Variants in RNGTT observed in about 807,000 individuals in gnomAD.
The protein encoded by RNGTT is RNA guanylyltransferase and 5'-phosphatase.
RNGTT carries 33 observed loss-of-function variants against 79.3 expected under a neutral mutation model. The observed-to-expected ratio is 0.42, with a 90% CI of 0.32 to 0.56. RNGTT has a LOEUF of 0.56. Among genes scored for constraint, RNGTT ranks in the 20% least tolerant of loss-of-function variants. RNGTT has a pLI of 0.17. For synonymous variants in RNGTT, 222 were observed against 235.9 expected (o/e 0.94, Z 0.54); for missense variants, 497 against 739.1 (o/e 0.67, Z 3.80).
At chr6:88,732,056 G>T (rs1031788468) in intron 13 of RNGTT, among the ~76,000 whole-genome samples, 7 of 152,226 alleles carry the variant, frequency 4.6e-5, no homozygotes, top group African/African-American at 1.7e-4. Context: ...GGAGATGGAA[G>T]AAGAGGAGGG....
At chr6:88,670,944 T>A (rs927413698) in intron 14 of RNGTT, among the ~76,000 whole-genome samples, 2 of 152,154 alleles carry the variant, frequency 1.3e-5, no homozygotes, top group Non-Finnish European at 2.9e-5. Context: ...TGACTGTTCC[T>A]GCTACACCTT....
intron 4 of RNGTT, among the ~76,000 whole-genome samples, chr6:88,915,933 A>AAC (rs1354697215): frequency 6.6e-6 from 1 of 152,190 alleles, no homozygotes; most frequent in Non-Finnish European, 1.5e-5. Flanking sequence ...TCAATAAGAT[A>AAC]ACACAGTATT....
chr6:88,801,183 T>C (rs1219386048), intron 12 of RNGTT, among the ~76,000 whole-genome samples: 1 of 152,172 alleles, frequency 6.6e-6, no homozygotes, highest in Non-Finnish European at 1.5e-5. Flanking sequence ...AAATGAAGTT[T>C]TAGAGAGATT....
intron 11 of RNGTT, among the ~76,000 whole-genome samples, chr6:88,822,453 CTT>C (rs1471129575): frequency 6.6e-6 from 1 of 152,142 alleles, no homozygotes; most frequent in Non-Finnish European, 1.5e-5. Flanking sequence ...TTTTCAAAGA[CTT>C]TCCTCCTTAA....
At chr6:88,802,416 C>T (rs933880712) in intron 11 of RNGTT, among the ~76,000 whole-genome samples, 6 of 152,090 alleles carry the variant, frequency 3.9e-5, no homozygotes, top group Non-Finnish European at 8.8e-5. Context: ...TGACTGATTA[C>T]GTAGTTTTAA....
intron 13 of RNGTT, among the ~76,000 whole-genome samples, chr6:88,709,143 A>G (rs747620785): frequency 1.1e-4 from 16 of 152,218 alleles, no homozygotes; most frequent in Admixed American, 4.6e-4. Context: ...CCCTGTCTCT[A>G]AAAATACAAA....
chr6:88,682,959 T>A (rs1016498499), intron 13 of RNGTT, among the ~76,000 whole-genome samples: 2 of 152,012 alleles, frequency 1.3e-5, no homozygotes, highest in African/African-American at 4.8e-5. Flanking sequence ...TAACAATATA[T>A]CAAAACTTGT....
At chr6:88,836,485 T>C (rs2127893931) in intron 11 of RNGTT, among the ~76,000 whole-genome samples, 1 of 152,270 alleles carries the variant, frequency 6.6e-6, no homozygotes, top group East Asian at 1.9e-4. Flanking sequence ...CTCACGCTTG[T>C]AATCCCATCA....
At chr6:88,893,754 T>C (rs912940806) in intron 6 of RNGTT, among the ~76,000 whole-genome samples, 1 of 152,094 alleles carries the variant, frequency 6.6e-6, no homozygotes, top group Non-Finnish European at 1.5e-5. Context: ...ATCAACTTCT[T>C]TTTTAACTTC....
intron 13 of RNGTT, among the ~76,000 whole-genome samples, chr6:88,765,048 C>T (rs1373644070): frequency 2.0e-5 from 3 of 151,794 alleles, no homozygotes; most frequent in African/African-American, 4.8e-5. Flanking sequence ...AAAAATTAGC[C>T]GGGCATGGTG....
intron 13 of RNGTT, among the ~76,000 whole-genome samples, chr6:88,723,915 G>A (rs1239998497): frequency 6.6e-6 from 1 of 152,004 alleles, no homozygotes; most frequent in Non-Finnish European, 1.5e-5. Flanking sequence ...AGTAGAGACG[G>A]GATTTCACCA....
intron 14 of RNGTT, among the ~76,000 whole-genome samples, chr6:88,661,877 G>C (rs1774199008): frequency 6.6e-6 from 1 of 152,102 alleles, no homozygotes; most frequent in Non-Finnish European, 1.5e-5. Context: ...GAAAACTATA[G>C]ACCAATATCT....
intron 11 of RNGTT, among the ~76,000 whole-genome samples, chr6:88,814,964 C>T (rs1165121675): frequency 3.3e-5 from 5 of 152,162 alleles, no homozygotes; most frequent in Non-Finnish European, 2.9e-5. Context: ...AGGGCCTGGC[C>T]TTTGCCCTCA....
intron 8 of RNGTT, among the ~76,000 whole-genome samples, chr6:88,876,935 T>C (rs575524211): frequency 6.6e-6 from 1 of 152,310 alleles, no homozygotes; most frequent in African/African-American, 2.4e-5. Context: ...TATTTTTAAA[T>C]ACCATTTCAA....
intron 11 of RNGTT, among the ~76,000 whole-genome samples, chr6:88,835,584 C>T (rs1781037952): frequency 6.6e-6 from 1 of 152,084 alleles, no homozygotes; most frequent in South Asian, 2.1e-4. Flanking sequence ...CTTATATACA[C>T]AGATAACCTA....
At chr6:88,665,594 C>T (rs1042018395) in intron 14 of RNGTT, among the ~76,000 whole-genome samples, 1 of 152,180 alleles carries the variant, frequency 6.6e-6, no homozygotes, top group Non-Finnish European at 1.5e-5. Flanking sequence ...ACCTGAAGGA[C>T]GCCTTCTTTA....
At chr6:88,704,275 A>AACAAC (rs1562206075) in intron 13 of RNGTT, among the ~76,000 whole-genome samples, 4 of 150,286 alleles carry the variant, frequency 2.7e-5, no homozygotes, top group African/African-American at 9.8e-5. Context: ...AAAAAAAAAA[A>AACAAC]AAAAAAAAAA....
intron 9 of RNGTT, among the ~76,000 whole-genome samples, chr6:88,851,638 T>C (rs1781676292): frequency 2.0e-5 from 3 of 152,052 alleles, no homozygotes; most frequent in East Asian, 3.8e-4. Flanking sequence ...TCAAAGAACA[T>C]AGTTAAGCAA....
chr6:88,682,969 T>C (rs768777051), intron 13 of RNGTT, among the ~76,000 whole-genome samples: 17 of 152,186 alleles, frequency 1.1e-4, no homozygotes, highest in Non-Finnish European at 2.2e-4. Context: ...TCAAAACTTG[T>C]AGGTTGCAGT....
Sources: allele counts gnomAD v4.1 joint callset (sites outside exome capture counted in the v4.1 genomes callset), GRCh38; gene constraint gnomAD v4.1.1; transcripts MANE v1.5; gene names NCBI Gene and HGNC (gene_info 2026-07-23, HGNC 2026-07-21).